PALS2: variants seen among roughly 807,000 people sequenced by gnomAD.
The protein encoded by PALS2 is protein PALS2.
Under a neutral mutation model 61.6 loss-of-function variants are expected in PALS2, and 27 were observed. The observed-to-expected ratio is 0.44, with a 90% CI of 0.32 to 0.60. The LOEUF is 0.60. PALS2 is among the 20% of genes least tolerant of loss of function. The pLI, the probability that PALS2 is intolerant of heterozygous loss-of-function variation, is 0.05. For synonymous variants in PALS2, 236 were observed against 218.6 expected, an observed-to-expected ratio of 1.08 and a Z score of -0.70; for missense variants, 554 against 639.4, an observed-to-expected ratio of 0.87 and a Z score of 1.44.
chr7:24,612,893 A>G (rs1784163772), intron 1 of PALS2, among the ~76,000 whole-genome samples: 1 of 151,828 alleles, frequency 6.6e-6, no homozygotes, highest in Admixed American at 6.6e-5. Context: ...CCCTGACTTA[A>G]TAGTAAAGCT....
intron 10 of PALS2, 82 bp downstream of exon 10, chr7:24,679,415 G>C: frequency 6.9e-7 from 1 of 1,447,890 alleles, no homozygotes. Flanking sequence ...TGTTGGGTTG[G>C]GGTTGTTTGT....
chr7:24,680,802 G>T (rs545557884), intron 11 of PALS2, among the ~76,000 whole-genome samples: 7 of 152,208 alleles, frequency 4.6e-5, no homozygotes, highest in African/African-American at 1.4e-4. Context: ...CACCATGTTG[G>T]CCAGACTGGT....
intron 2 of PALS2, among the ~76,000 whole-genome samples, chr7:24,624,602 C>CTTTTTTTTTT (rs1784656376): frequency 1.6e-5 from 1 of 63,914 alleles, no homozygotes; most frequent in African/African-American, 1.7e-4. Context: ...GATGCAGATT[C>CTTTTTTTTTT]TTCTTTTTTT....
At chr7:24,681,551 G>C (rs1482197766) in intron 11 of PALS2, among the ~76,000 whole-genome samples, 1 of 108,718 alleles carries the variant, frequency 9.2e-6, no homozygotes. Context: ...TTTTACTGTT[G>C]ATTTGTTCAA....
At chr7:24,616,101 C>G (rs1291228518) in intron 1 of PALS2, among the ~76,000 whole-genome samples, 1 of 152,076 alleles carries the variant, frequency 6.6e-6, no homozygotes, top group East Asian at 1.9e-4. Flanking sequence ...CCATTGAAAG[C>G]TGAAAAGCTT....
intron 1 of PALS2, among the ~76,000 whole-genome samples, chr7:24,609,338 T>C (rs977330787): frequency 1.3e-5 from 2 of 152,142 alleles, no homozygotes; most frequent in African/African-American, 4.8e-5. Context: ...TCAGGCAGAC[T>C]GCTGCTTCAG....
chr7:24,656,051 T>A (rs550802642), intron 5 of PALS2, among the ~76,000 whole-genome samples: 4 of 152,216 alleles, frequency 2.6e-5, no homozygotes, highest in Non-Finnish European at 5.9e-5. Context: ...GCATCCTTCC[T>A]TGATCATCTC....
chr7:24,578,545 G>A (rs1052011701), intron 1 of PALS2, among the ~76,000 whole-genome samples: 8 of 152,122 alleles, frequency 5.3e-5, no homozygotes, highest in Non-Finnish European at 8.8e-5. Context: ...ACATCATATC[G>A]TTTCTCTCTT....
intron 1 of PALS2, among the ~76,000 whole-genome samples, chr7:24,612,535 T>C (rs1379535702): frequency 1.3e-5 from 2 of 151,858 alleles, no homozygotes. Flanking sequence ...TTTACGTTAT[T>C]GGATCTTCTT....
At chr7:24,629,046 A>C (rs1015691753) in intron 2 of PALS2, among the ~76,000 whole-genome samples, 6 of 152,308 alleles carry the variant, frequency 3.9e-5, no homozygotes, top group Non-Finnish European at 4.4e-5. Context: ...AATCCTAAGC[A>C]AAAAGAACAA....
chr7:24,682,129 G>A (rs1410613862), intron 11 of PALS2, among the ~76,000 whole-genome samples: 1 of 152,032 alleles, frequency 6.6e-6, no homozygotes, highest in African/African-American at 2.4e-5. Context: ...TTTTAAATGT[G>A]TTAGGTAAGA....
Position 24,648,289 on chromosome 7 carries a change from C to A in PALS2, c.271-1323C>A, listed in dbSNP as rs369392701. Among the ~76,000 whole-genome samples the A allele has an allele frequency of 1.3e-4, 16 of 118,778 alleles. 1 individual carries two copies. Among genetic ancestry groups the A allele is most frequent in the African/African-American group, 4.4e-4 (14 of 32,066 alleles). 77.9% of individuals were successfully genotyped at this position (118,778 alleles called of 152,430 possible). ...ATGCACAGTTGCAGTAAAAATTATT[C>A]TTTTTTTTTTTTTTTTTTTTGAGAC... On this transcript the variant is annotated intron_variant, in intron 3 of 11. Coordinates refer to ENST00000222644, the MANE Select transcript of PALS2 (RefSeq NM_001303037.2).
chr7:24,611,728 G>A (rs2128052282), intron 1 of PALS2, among the ~76,000 whole-genome samples: 1 of 152,118 alleles, frequency 6.6e-6, no homozygotes, highest in African/African-American at 2.4e-5. Context: ...TAAAGAATGA[G>A]TGTGAATTAG....
At chr7:24,683,265 G>C (rs978927621) in intron 11 of PALS2, among the ~76,000 whole-genome samples, 1 of 152,154 alleles carries the variant, frequency 6.6e-6, no homozygotes, top group East Asian at 1.9e-4. Context: ...TCTGAGGTAC[G>C]ATTGATACAG....
chr7:24,616,733 C>T (rs1452163140), intron 1 of PALS2, among the ~76,000 whole-genome samples: 1 of 152,098 alleles, frequency 6.6e-6, no homozygotes, highest in Non-Finnish European at 1.5e-5. Context: ...AAAAATATCC[C>T]TTGTTTCTTA....
intron 10 of PALS2, among the ~76,000 whole-genome samples, 155 bp downstream of exon 10, chr7:24,679,488 A>G (rs563401430): frequency 5.5e-4 from 84 of 152,310 alleles, no homozygotes; most frequent in Non-Finnish European, 9.1e-4. Context: ...GTTATTATGT[A>G]TACATAGCTA....
chr7:24,574,852 G>T (rs1320172067), intron 1 of PALS2, among the ~76,000 whole-genome samples: 1 of 152,128 alleles, frequency 6.6e-6, no homozygotes, highest in East Asian at 1.9e-4. Context: ...TAGTAATGCG[G>T]TATATAGTTT....
chr7:24,686,403 C>T, intron 11 of PALS2, among the ~76,000 whole-genome samples: 1 of 152,160 alleles, frequency 6.6e-6, no homozygotes, highest in Non-Finnish European at 1.5e-5. Context: ...CAACCCTTCA[C>T]CCATTCTGGT....
intron 2 of PALS2, among the ~76,000 whole-genome samples, chr7:24,629,937 A>G (rs879431976): frequency 2.6e-5 from 4 of 152,232 alleles, no homozygotes; most frequent in Non-Finnish European, 4.4e-5. Flanking sequence ...TCAAGGATCT[A>G]GAACTAGAAA....
Sources: allele counts gnomAD v4.1 joint callset (sites outside exome capture counted in the v4.1 genomes callset), GRCh38; gene constraint gnomAD v4.1.1; transcripts MANE v1.5; gene names NCBI Gene and HGNC (gene_info 2026-07-23, HGNC 2026-07-21).